Variants in HEMGN observed in about 807,000 individuals in gnomAD.
The protein encoded by HEMGN is hemogen.
Under a neutral mutation model 45.7 loss-of-function variants are expected in HEMGN, and 32 were observed. That is an observed-to-expected ratio of 0.70 (90% CI 0.53 to 0.94). The LOEUF is 0.94. Among genes scored for constraint, HEMGN ranks in the 40% least tolerant of loss-of-function variants. HEMGN has a pLI of 0.00. For synonymous variants in HEMGN, 183 were observed against 178.6 expected (o/e 1.02, Z -0.20); for missense variants, 530 against 564.2 (o/e 0.94, Z 0.61).
At chr9:97,934,633 A>G (rs976465407) in intron 2 of HEMGN, among the ~76,000 whole-genome samples, 1 of 152,104 alleles carries the variant, frequency 6.6e-6, no homozygotes, top group African/African-American at 2.4e-5. Context: ...AAATATTTCT[A>G]CTGTAAAATG....
At chr9:97,941,004 G>T (rs1827143916), upstream of HEMGN, among the ~76,000 whole-genome samples, 1 of 152,128 alleles carries the variant, frequency 6.6e-6, no homozygotes, top group Admixed American at 6.6e-5. Context: ...TAGAGTAATT[G>T]AACAGCAAAG....
chr9:97,927,182 C>T lies in HEMGN; in HGVS notation c.*202G>A, dbSNP rs971063146. ...CTATACATACATACACACACACACA[C>T]ACACACACACACACACATTCTAGCA... On this transcript the variant is annotated 3_prime_UTR_variant, in exon 4 of 4. Transcript: ENST00000616898. The T allele has an allele frequency of 3.0e-5, 13 of 429,838 alleles. No individual in the cohort carries two copies. Among genetic ancestry groups the T allele is most frequent in the African/African-American group, 1.0e-4 (5 of 49,468 alleles). The allele number at this position is 429,838 out of a possible 1,614,324, so 26.6% of individuals were successfully genotyped here.
chr9:97,937,172 A>G (rs956896983), intron 1 of HEMGN, among the ~76,000 whole-genome samples: 1 of 152,188 alleles, frequency 6.6e-6, no homozygotes, highest in African/African-American at 2.4e-5. Flanking sequence ...TCAATTATGA[A>G]TGTAGATAAC....
intron 2 of HEMGN, 60 bp downstream of exon 2, chr9:97,936,111 T>A: frequency 1.8e-6 from 2 of 1,094,138 alleles, no homozygotes; most frequent in Middle Eastern, 2.0e-4. Context: ...ACAGCACTAC[T>A]TTATGCATAA....
chr9:97,929,527 G>A (rs1826901122), intron 3 of HEMGN, among the ~76,000 whole-genome samples: 1 of 152,106 alleles, frequency 6.6e-6, no homozygotes, highest in South Asian at 2.1e-4. Context: ...AGTTTTTCAG[G>A]AACAAATCTT....
At chr9:97,942,905 C>T (rs796716172), upstream of HEMGN, among the ~76,000 whole-genome samples, 3 of 152,268 alleles carry the variant, frequency 2.0e-5, no homozygotes, top group African/African-American at 7.2e-5. Flanking sequence ...ATTATAGCGC[C>T]TCCAAAACCA....
At chr9:97,935,056 A>G (rs1045481708) in intron 2 of HEMGN, among the ~76,000 whole-genome samples, 3 of 152,188 alleles carry the variant, frequency 2.0e-5, no homozygotes, top group African/African-American at 7.2e-5. Context: ...TACAACAGCC[A>G]AGCTGAAGGC....
At chr9:97,944,651 T>C (rs973711241) in intron 1 of HEMGN, 5 of 152,232 alleles carry the variant, frequency 3.3e-5, no homozygotes, top group African/African-American at 1.2e-4. Context: ...AGCCTCAGTA[T>C]TGCCTGCAGA....
intron 3 of HEMGN, 100 bp downstream of exon 3, chr9:97,929,935 T>A (rs1447224984): frequency 6.2e-6 from 5 of 810,362 alleles, no homozygotes; most frequent in Admixed American, 2.5e-5. Flanking sequence ...ATTCACAGTA[T>A]CCATTGAAAT....
rs775680618 is a variant in HEMGN, at chr9:97,930,203, T to A, written c.1192A>T (p.Ile398Leu). The A allele has an allele frequency of 6.2e-7, 1 of 1,614,172 alleles. No individual in the cohort carries two copies. The highest frequency in any genetic ancestry group is 2.2e-5 in the East Asian group (1 of 44,890). ...TCAGGCCCCGGTGTTTCTTGGTATA[T>A]TTCAGGTGAATATTCTTCAAGCTGG... is the stretch of plus-strand genomic sequence containing the variant. ...TSQLEEYSPE[I>L]YQETPGPEDL... Residue 398 changes from isoleucine to leucine, a missense_variant, in exon 3 of 4, where the codon ATA (isoleucine) becomes TTA (leucine). By Grantham distance (5) the Ile-to-Leu change is conservative. Coordinates refer to ENST00000616898, the MANE Select transcript of HEMGN (RefSeq NM_197978.3).
At chr9:97,932,964 A>AT (rs1162801215) in intron 2 of HEMGN, among the ~76,000 whole-genome samples, 2 of 152,136 alleles carry the variant, frequency 1.3e-5, no homozygotes, top group African/African-American at 2.4e-5. Context: ...GGAAACACAT[A>AT]TTTTTTCCTA....
intron 1 of HEMGN, among the ~76,000 whole-genome samples, chr9:97,937,434 T>C (rs1321376631): frequency 6.6e-6 from 1 of 152,110 alleles, no homozygotes; most frequent in Non-Finnish European, 1.5e-5. Context: ...ACATTATAGT[T>C]GTTGCAGATA....
upstream of HEMGN, chr9:97,938,379 T>C (rs962888658): frequency 4.8e-6 from 2 of 419,300 alleles, no homozygotes; most frequent in Non-Finnish European, 4.2e-6. Flanking sequence ...ACCCCTAGCA[T>C]AGGTTGCTAT....
At chr9:97,933,292 G>A (rs1208957464) in intron 2 of HEMGN, among the ~76,000 whole-genome samples, 3 of 152,156 alleles carry the variant, frequency 2.0e-5, no homozygotes, top group African/African-American at 7.2e-5. Context: ...AACACTTATA[G>A]TGCTTGTATA....
rs776525041 is a variant in HEMGN at position 97,930,017 on chromosome 9, G to T, written c.1360+18C>A. ...CTGGGGGAGATGTACCTACCTTGGT[G>T]CTATAAACAGCCCTTACCTTGAGGA... On this transcript the variant is annotated intron_variant, in intron 3 of 3. Transcript: ENST00000616898. The T allele has an allele frequency of 1.6e-5, 26 of 1,582,434 alleles. No individual in the cohort carries two copies. In the Admixed American group the frequency reaches 4.4e-4, roughly 27 times the overall value.
At chr9:97,928,492 C>A (rs543103424) in intron 3 of HEMGN, among the ~76,000 whole-genome samples, 1 of 152,242 alleles carries the variant, frequency 6.6e-6, no homozygotes, top group South Asian at 2.1e-4. Context: ...AATTTGGGTA[C>A]CGTTTGGCCC....
chr9:97,927,205 G>T lies in HEMGN; in HGVS notation c.*179C>A. 4.2e-6 allele frequency: 2 copies of T among 470,740 alleles called. No individual in the cohort carries two copies. Among genetic ancestry groups the T allele is most frequent in the Admixed American group, 3.6e-5 (1 of 28,114 alleles). 29.2% of individuals were successfully genotyped at this position (470,740 alleles called of 1,614,324 possible). On this transcript the variant is annotated 3_prime_UTR_variant, in exon 4 of 4. Transcript: ENST00000616898. ...CACACACACACACACACACATTCTA[G>T]CATGATATTGTCTATGTGGTAGAGC...
At chr9:97,944,277 T>TA (rs1419473629) in intron 1 of HEMGN, among the ~76,000 whole-genome samples, 6 of 152,164 alleles carry the variant, frequency 3.9e-5, no homozygotes, top group Middle Eastern at 3.2e-3. Context: ...TGTTCCCCCC[T>TA]AAAACTAGGC....
chr9:97,930,948 C>T lies in HEMGN; in HGVS notation c.447G>A (p.Glu149=), dbSNP rs761762464. 6.2e-7 allele frequency: 1 copy of T among 1,614,124 alleles called. No homozygotes were observed. Among genetic ancestry groups the T allele is most frequent in the East Asian group, 2.2e-5 (1 of 44,886 alleles). ...ESNIYQENFS[E]YQEIAVQNHS... is the part of the protein sequence containing the mutation. ...GGTTTTGTACTGCTATTTCTTGGTA[C>T]TCAGAAAAATTCTCCTGATATATGT... is the stretch of plus-strand genomic sequence containing the variant. The change falls in exon 3 of 4, where the codon GAG becomes GAA. Residue 149 remains glutamate, a synonymous_variant. Transcript: ENST00000616898.
Sources: allele counts gnomAD v4.1 joint callset (sites outside exome capture counted in the v4.1 genomes callset), GRCh38; gene constraint gnomAD v4.1.1; transcripts MANE v1.5; gene names NCBI Gene and HGNC (gene_info 2026-07-23, HGNC 2026-07-21).